Variants in G3BP2 observed in about 807,000 individuals in gnomAD.
G3BP2 encodes ras GTPase-activating protein-binding protein 2.
Under a neutral mutation model 56.7 loss-of-function variants are expected in G3BP2, and 11 were observed. The observed-to-expected ratio is 0.19, with a 90% CI of 0.12 to 0.32. The LOEUF is 0.32. G3BP2 is among the 10% of genes least tolerant of loss of function. The pLI, the probability that G3BP2 is intolerant of heterozygous loss-of-function variation, is 1.00. For missense variants in G3BP2, 340 were observed against 610.9 expected, an observed-to-expected ratio of 0.56 and a Z score of 4.67; for synonymous variants, 165 against 191.6, an observed-to-expected ratio of 0.86 and a Z score of 1.15.
rs1467664518 is a variant in G3BP2, at chr4:75,643,954, A to G, written c.*1476T>C. ...CAAACTTTGCTCACAGAATTGTTTAAAGATTCATGTAAAAATAAAAGATGT... is the reference window on the plus strand; with the variant it reads ...CAAACTTTGCTCACAGAATTGTTTAGAGATTCATGTAAAAATAAAAGATGT... On this transcript the variant is annotated 3_prime_UTR_variant, in exon 12 of 12. Coordinates refer to ENST00000359707, the MANE Select transcript of G3BP2 (RefSeq NM_203505.3). 6.6e-6 allele frequency: 1 copy of G among 152,668 alleles called. No individual in the cohort carries two copies. Among genetic ancestry groups the G allele is most frequent in the Non-Finnish European group, 1.5e-5 (1 of 68,044 alleles). 9.5% of individuals were successfully genotyped at this position (152,668 alleles called of 1,614,324 possible).
At chr4:75,719,781 A>G (rs1192147224) in intron 3 of G3BP2, among the ~76,000 whole-genome samples, 3 of 151,518 alleles carry the variant, frequency 2.0e-5, no homozygotes, top group African/African-American at 4.8e-5. Flanking sequence ...TAGAGACGGG[A>G]TTTCTCCATG....
intron 3 of G3BP2, among the ~76,000 whole-genome samples, chr4:75,701,462 T>C (rs1577889768): frequency 9.2e-6 from 1 of 108,606 alleles, no homozygotes; most frequent in Admixed American, 9.5e-5. Context: ...AGTTTCGCTC[T>C]TGTTGCCCAG....
Position 75,657,666 on chromosome 4 carries a change from T to G in G3BP2, c.242A>C (p.Asp81Ala). The G allele has an allele frequency of 6.2e-7, 1 of 1,611,976 alleles. No homozygotes were observed. Among genetic ancestry groups the G allele is most frequent in the Non-Finnish European group, 8.5e-7 (1 of 1,178,122 alleles). ...SECHTKIRHV[D>A]AHATLSDGVV... Reference sequence around the variant, plus strand: ...TCCATCACTCAAGGTTGCATGAGCATCCACATGACGAATTTTAGTATGACA... The same window carrying G: ...TCCATCACTCAAGGTTGCATGAGCAGCCACATGACGAATTTTAGTATGACA... Residue 81 changes from aspartate to alanine, a missense_variant, in exon 4 of 12, where the codon GAT (aspartate) becomes GCT (alanine). Coordinates refer to ENST00000359707, the MANE Select transcript of G3BP2 (RefSeq NM_203505.3).
intron 3 of G3BP2, among the ~76,000 whole-genome samples, chr4:75,705,644 C>G (rs979557946): frequency 5.9e-5 from 9 of 152,170 alleles, no homozygotes; most frequent in African/African-American, 2.2e-4. Flanking sequence ...GAGTGAGGGA[C>G]AAAGGCATCA....
At chr4:75,694,050 G>A (rs769756966) in intron 3 of G3BP2, among the ~76,000 whole-genome samples, 3 of 152,096 alleles carry the variant, frequency 2.0e-5, no homozygotes, top group Non-Finnish European at 2.9e-5. Context: ...CATATCTGAG[G>A]TTTCAATCCC....
At position 75,658,844 on chromosome 4, in the gene G3BP2, T is replaced by C; in HGVS notation, c.176A>G (p.Asn59Ser). The change falls in exon 3 of 12, where the codon AAT becomes AGT. Residue 59 changes from asparagine (N) to serine (S), a missense_variant and splice_region_variant. This residue lies in a region of G3BP2 where 21 missense variants were observed against 83.7 expected (regional missense o/e 0.25). Coordinates refer to ENST00000359707, the MANE Select transcript of G3BP2 (RefSeq NM_203505.3). ...ACTACATATGAAATTGATACTTACATTTTGGCCATAAACAGCTTCCTGGGG... is the reference window on the plus strand; with the variant it reads ...ACTACATATGAAATTGATACTTACACTTTGGCCATAAACAGCTTCCTGGGG... ...GKPQEAVYGQ[N>S]DIHHKVLSLN... 1 of 1,586,316 alleles carries C rather than the reference T, an allele frequency of 6.3e-7. No homozygotes were observed. The highest frequency in any genetic ancestry group is 8.7e-7 in the Non-Finnish European group (1 of 1,154,514).
chr4:75,662,881 A>G (rs531975125), intron 1 of G3BP2, among the ~76,000 whole-genome samples: 18 of 152,332 alleles, frequency 1.2e-4, no homozygotes, highest in Admixed American at 1.1e-3. Context: ...AGACTCAGAG[A>G]TAACACTCAT....
At chr4:75,664,323 T>A (rs1732818123) in intron 1 of G3BP2, among the ~76,000 whole-genome samples, 1 of 148,098 alleles carries the variant, frequency 6.8e-6, no homozygotes, top group Non-Finnish European at 1.5e-5. Flanking sequence ...ACGCCTGTAA[T>A]CCCAGCACTT....
intron 8 of G3BP2, among the ~76,000 whole-genome samples, chr4:75,651,943 T>C (rs1731725729): frequency 6.6e-6 from 1 of 152,252 alleles, no homozygotes; most frequent in African/African-American, 2.4e-5. Context: ...TGGAATTAAC[T>C]TCCTTTTATC....
At chr4:75,707,285 A>C (rs1381623611) in intron 3 of G3BP2, among the ~76,000 whole-genome samples, 2 of 152,070 alleles carry the variant, frequency 1.3e-5, no homozygotes, top group Non-Finnish European at 2.9e-5. Flanking sequence ...ATTCACAACC[A>C]GGTTGGGATA....
At chr4:75,723,757 G>A (rs1240632850) in intron 1 of G3BP2, among the ~76,000 whole-genome samples, 2 of 152,090 alleles carry the variant, frequency 1.3e-5, no homozygotes, top group African/African-American at 2.4e-5. Context: ...CAAGGGGAGA[G>A]GTGCATGAGT....
At chr4:75,710,864 A>C (rs1719727281) in intron 3 of G3BP2, among the ~76,000 whole-genome samples, 2 of 151,710 alleles carry the variant, frequency 1.3e-5, no homozygotes, top group South Asian at 4.2e-4. Flanking sequence ...GGGTCTCACT[A>C]TGTTGCCCAG....
intron 3 of G3BP2, among the ~76,000 whole-genome samples, chr4:75,715,183 C>A (rs1439471098): frequency 6.6e-6 from 1 of 152,100 alleles, no homozygotes; most frequent in Non-Finnish European, 1.5e-5. Context: ...AGAAGACTGC[C>A]TATGGCAGGG....
intron 8 of G3BP2, among the ~76,000 whole-genome samples, chr4:75,649,784 C>CG (rs1731530771): frequency 6.6e-6 from 1 of 152,158 alleles, no homozygotes; most frequent in Non-Finnish European, 1.5e-5. Flanking sequence ...CCAAGCTGCG[C>CG]GGATCACCTG....
At chr4:75,697,889 G>A (rs1168626931) in intron 3 of G3BP2, among the ~76,000 whole-genome samples, 5 of 152,064 alleles carry the variant, frequency 3.3e-5, no homozygotes, top group Admixed American at 2.0e-4. Context: ...AGCCAAGATC[G>A]TGCCACTGCA....
chr4:75,664,840 C>A (rs187996047), intron 1 of G3BP2, among the ~76,000 whole-genome samples: 101 of 152,116 alleles, frequency 6.6e-4, no homozygotes, highest in African/African-American at 2.3e-3. Flanking sequence ...CTGAGTAAGA[C>A]TCTGTCTCAA....
At chr4:75,652,430 T>C (rs144210399) in intron 8 of G3BP2, among the ~76,000 whole-genome samples, 3,251 of 152,256 alleles carry the variant, frequency 0.021, 114 homozygotes, top group African/African-American at 0.073. Flanking sequence ...GAGACCAGCC[T>C]GGTCTACATG....
At chr4:75,676,348 T>C (rs1477100444), upstream of G3BP2, among the ~76,000 whole-genome samples, 39 of 145,228 alleles carry the variant, frequency 2.7e-4, no homozygotes, top group African/African-American at 9.7e-4. Context: ...TTTTTTTTTT[T>C]TTTTTTTTTT....
At chr4:75,691,634 C>T (rs780292052) in intron 3 of G3BP2, among the ~76,000 whole-genome samples, 28 of 152,204 alleles carry the variant, frequency 1.8e-4, no homozygotes, top group Non-Finnish European at 4.4e-5. Context: ...GTATGAGCAG[C>T]GCTCAACAGG....
Sources: gnomAD v4.1 joint callset for allele counts (sites outside exome capture counted in the v4.1 genomes callset) on GRCh38, gnomAD v4.1.1 for gene constraint, gnomAD v4.1.1 regional missense constraint, MANE v1.5 for transcripts, NCBI Gene and HGNC (gene_info 2026-07-23, HGNC 2026-07-21) for gene names.